INTS3: variants seen among roughly 807,000 people sequenced by gnomAD.
The protein encoded by INTS3 is integrator complex subunit 3.
In INTS3, 34 loss-of-function variants were observed where a neutral mutation model predicts 146.3. The observed-to-expected ratio is 0.23, with a 90% CI of 0.18 to 0.31. The LOEUF is 0.31. INTS3 is among the 10% of genes least tolerant of loss of function. INTS3 has a pLI of 1.00. For missense variants in INTS3, 757 were observed against 1,304.2 expected (o/e 0.58, Z 6.46); for synonymous variants, 475 against 494.9 (o/e 0.96, Z 0.53).
intron 1 of INTS3, among the ~76,000 whole-genome samples, chr1:153,732,587 G>A (rs962224293): frequency 2.6e-5 from 4 of 151,494 alleles, no homozygotes; most frequent in Admixed American, 6.6e-5. Flanking sequence ...CTGGGATTAC[G>A]GAAGCCCACC....
At chr1:153,764,310 G>C in intron 18 of INTS3, 89 bp downstream of exon 18, 1 of 844,280 alleles carries the variant, frequency 1.2e-6, no homozygotes, top group Non-Finnish European at 2.0e-6. Flanking sequence ...CTGTAGACTT[G>C]AGAAAAATCT....
rs1226243648 is a variant in INTS3 at position 153,757,544 on chromosome 1, GT to G, written c.958-27del. ...CAAGGACCCCACACTGTCTTCTAAG[GT>G]CTTTTTCTTGCTTCCCCTTTCCCCA... On this transcript the variant is annotated intron_variant, in intron 9 of 29. Coordinates refer to ENST00000318967, the MANE Select transcript of INTS3 (RefSeq NM_023015.5). The surrounding 1 kb of genome is among the most constrained non-coding windows in gnomAD (Gnocchi z 4.0). 2 of 1,607,904 alleles carry G rather than the reference GT, an allele frequency of 1.2e-6. No individual in the cohort carries two copies. Among genetic ancestry groups the G allele is most frequent in the Non-Finnish European group, 1.7e-6 (2 of 1,174,906 alleles).
intron 12 of INTS3, 57 bp from the exon 13 acceptor site, chr1:153,760,770 G>T: frequency 7.4e-7 from 1 of 1,356,520 alleles, no homozygotes; most frequent in Non-Finnish European, 1.1e-6. Context: ...ATCTAATTCA[G>T]CGGAAGCCTC....
Position 153,772,020 on chromosome 1 carries a change from CGGTGGTGGTGGT to C in INTS3, c.2720+77_2720+88del, listed in dbSNP as rs58166068. The C allele has an allele frequency of 4.2e-4, 497 of 1,182,442 alleles. 4 individuals carry two copies. The highest frequency in any genetic ancestry group is 6.8e-4 in the Admixed American group (34 of 49,764). The allele number at this position is 1,182,442 out of a possible 1,614,324, so 73.2% of individuals were successfully genotyped here. On this transcript the variant is annotated intron_variant, in intron 26 of 29. Transcript: ENST00000318967. The surrounding 1 kb of genome is among the most constrained non-coding windows in gnomAD (Gnocchi z 4.6). ...CATGGCGGTCTGCAGTGATTGCTGT[CGGTGGTGGTGGT>C]GGTGGTGGTGGTGGTGGTGATGGGG...
intron 14 of INTS3, among the ~76,000 whole-genome samples, chr1:153,762,145 TTTAAA>T (rs1230955476): frequency 1.3e-5 from 2 of 152,196 alleles, no homozygotes; most frequent in East Asian, 3.8e-4. Flanking sequence ...CCAACTTGGT[TTTAAA>T]TTAAAGAGCA....
intron 1 of INTS3, 144 bp downstream of exon 1, chr1:153,728,928 T>G: frequency 1.7e-6 from 1 of 591,388 alleles, no homozygotes; most frequent in Non-Finnish European, 2.9e-6. Flanking sequence ...TGCTCCAGCT[T>G]CCTGCTCCTG....
chr1:153,759,511 C>T lies in INTS3; in HGVS notation c.1150-15C>T, dbSNP rs760680499. On this transcript the variant is annotated splice_polypyrimidine_tract_variant and intron_variant, in intron 10 of 29. Coordinates refer to ENST00000318967, the MANE Select transcript of INTS3 (RefSeq NM_023015.5). ...TGATGAAACTAGCCCTCTGTTTCTC[C>T]CCTCTCTTTTCCAGTCAAATGTCGC... 1.1e-5 allele frequency: 18 copies of T among 1,581,412 alleles called. No homozygotes were observed. In the Admixed American group the frequency reaches 1.2e-4, roughly 10 times the overall value.
intron 23 of INTS3, 67 bp from the exon 24 acceptor site, chr1:153,770,127 TGGGG>T (rs371912410): frequency 1.7e-5 from 5 of 299,384 alleles, no homozygotes; most frequent in Middle Eastern, 7.6e-4. Flanking sequence ...GATGGGGGGG[TGGGG>T]GGGGTGTGTG....
At chr1:153,747,468 G>T in intron 5 of INTS3, 105 bp downstream of exon 5, 1 of 852,468 alleles carries the variant, frequency 1.2e-6, no homozygotes, top group Non-Finnish European at 2.0e-6. Context: ...TTCTTGGATT[G>T]CTTAGACTGT....
chr1:153,763,113 A>G, intron 15 of INTS3, 120 bp from the exon 16 acceptor site: 1 of 1,301,338 alleles, frequency 7.7e-7, no homozygotes, highest in Non-Finnish European at 1.1e-6. Context: ...GCACTCACAC[A>G]GCATTGAGGA....
intron 3 of INTS3, among the ~76,000 whole-genome samples, chr1:153,745,619 T>G: frequency 6.7e-6 from 1 of 150,024 alleles, no homozygotes; most frequent in African/African-American, 2.5e-5. Flanking sequence ...CCTAAGGTAT[T>G]CCTCCAGGAG....
At chr1:153,729,724 G>A (rs574035543) in intron 1 of INTS3, among the ~76,000 whole-genome samples, 2 of 152,206 alleles carry the variant, frequency 1.3e-5, no homozygotes, top group Admixed American at 1.3e-4. Context: ...AAATTAGCTG[G>A]GCATGGTGGC....
chr1:153,763,389 C>T, intron 16 of INTS3, 27 bp downstream of exon 16: 1 of 1,612,864 alleles, frequency 6.2e-7, no homozygotes, highest in Non-Finnish European at 8.5e-7. Context: ...TTCTCAACTT[C>T]AGGAGGTTCA....
chr1:153,736,988 C>G (rs1454743029), intron 1 of INTS3, among the ~76,000 whole-genome samples: 1 of 151,598 alleles, frequency 6.6e-6, no homozygotes, highest in Admixed American at 6.6e-5. Context: ...AGGATGGTCT[C>G]TATCTCCTGA....
chr1:153,734,290 C>CAGCTGGATGTAATTGA (rs1671203799), intron 1 of INTS3, among the ~76,000 whole-genome samples: 1 of 152,208 alleles, frequency 6.6e-6, no homozygotes, highest in African/African-American at 2.4e-5. Flanking sequence ...AGGGATCTGG[C>CAGCTGGATGTAATTGA]TTCCTGTGGC....
At chr1:153,755,645 A>G (rs1041703723) in intron 9 of INTS3, among the ~76,000 whole-genome samples, 7 of 152,168 alleles carry the variant, frequency 4.6e-5, no homozygotes, top group Non-Finnish European at 8.8e-5. Context: ...AGCTTTCCCA[A>G]GTCACCCAGA....
intron 12 of INTS3, 91 bp downstream of exon 12, chr1:153,760,481 T>A: frequency 9.0e-7 from 1 of 1,106,682 alleles, no homozygotes; most frequent in Non-Finnish European, 1.4e-6. Flanking sequence ...GTCTTCTCGG[T>A]ATGCCTTGAC....
At chr1:153,745,163 T>TC (rs1337277648) in intron 3 of INTS3, among the ~76,000 whole-genome samples, 1 of 147,616 alleles carries the variant, frequency 6.8e-6, no homozygotes, top group East Asian at 2.0e-4. Flanking sequence ...TTGCTGTACT[T>TC]TTTTTTTTTT....
rs1205031015 is a variant in INTS3, at chr1:153,772,907, A to G, written c.2895-18A>G. On this transcript the variant is annotated intron_variant, in intron 28 of 29. Transcript: ENST00000318967. The surrounding 1 kb of genome is among the most constrained non-coding windows in gnomAD (Gnocchi z 4.6). Reference sequence around the variant, plus strand: ...GCAGCAGGCTCCCACTCAAAGAGCTACCGCTCCTTTTCCTTAGATTCAGTG... The same window carrying G: ...GCAGCAGGCTCCCACTCAAAGAGCTGCCGCTCCTTTTCCTTAGATTCAGTG... The G allele has an allele frequency of 1.2e-6, 2 of 1,613,814 alleles. No homozygotes were observed.
Sources: gnomAD v4.1 joint callset for allele counts (sites outside exome capture counted in the v4.1 genomes callset) on GRCh38, gnomAD v4.1.1 for gene constraint, Gnocchi (gnomAD v3.1) non-coding constraint, MANE v1.5 for transcripts, NCBI Gene and HGNC (gene_info 2026-07-23, HGNC 2026-07-21) for gene names.